SORCS2: variants seen among roughly 807,000 people sequenced by gnomAD.
The protein encoded by SORCS2 is VPS10 domain-containing receptor SorCS2.
Under a neutral mutation model 141.6 loss-of-function variants are expected in SORCS2, and 100 were observed. The ratio of observed to expected loss-of-function variants is 0.71; its 90% confidence interval spans 0.60 to 0.83. The LOEUF (loss-of-function observed/expected upper bound fraction) is 0.83, where lower values mean the gene tolerates loss of function less well. Ranked by LOEUF, SORCS2 falls within the 40% of genes least tolerant of loss-of-function variation. The probability of loss-of-function intolerance (pLI) is 0.00; values close to 1 mark genes in which losing one functional copy is unlikely to be tolerated. For synonymous variants in SORCS2, 789 were observed against 676.9 expected (o/e 1.17, Z -2.57); for missense variants, 1,646 against 1,560.2 (o/e 1.05, Z -0.93).
At chr4:7,677,079 CTG>C (rs2108955717) in intron 9 of SORCS2, among the ~76,000 whole-genome samples, 1 of 152,178 alleles carries the variant, frequency 6.6e-6, no homozygotes, top group African/African-American at 2.4e-5. Flanking sequence ...CTCTCGCTCT[CTG>C]TCTCCCTGGA....
chr4:7,422,071 C>A (rs1726111046), intron 2 of SORCS2, among the ~76,000 whole-genome samples: 1 of 152,196 alleles, frequency 6.6e-6, no homozygotes, highest in African/African-American at 2.4e-5. Context: ...TACTTTTCCT[C>A]CATGAGCCCT....
intron 1 of SORCS2, among the ~76,000 whole-genome samples, chr4:7,273,068 G>A (rs1384572289): frequency 1.3e-5 from 2 of 152,250 alleles, no homozygotes. Flanking sequence ...ATGTGCCTCA[G>A]TGGGCTTTAG....
chr4:7,657,173 G>A (rs1048306665), intron 5 of SORCS2, among the ~76,000 whole-genome samples: 58 of 152,370 alleles, frequency 3.8e-4, no homozygotes, highest in African/African-American at 1.2e-3. Flanking sequence ...CCAGTACACT[G>A]AGAAATGGCT....
In SORCS2 at chr4:7,704,181, A is replaced by G; in HGVS notation, c.1765A>G (p.Ser589Gly). The change falls in exon 14 of 27, where the codon AGT (serine) becomes GGT (glycine). Residue 589 changes from serine to glycine, a missense_variant. By Grantham distance (56) the Ser-to-Gly change is moderately conservative. Coordinates refer to ENST00000507866, the MANE Select transcript of SORCS2 (RefSeq NM_020777.3). ...TSIPLKILKFSVDEGLTWSTH... is the reference protein window; with the variant it reads ...TSIPLKILKFGVDEGLTWSTH... ...CTGACGATCTTCTCCTGGCAGGTTC[A>G]GTGTGGACGAGGGCCTCACCTGGAG... 1 of 1,611,618 alleles carries G rather than the reference A, an allele frequency of 6.2e-7. No individual in the cohort carries two copies.
At chr4:7,482,876 G>C (rs1730739916) in intron 2 of SORCS2, among the ~76,000 whole-genome samples, 1 of 151,962 alleles carries the variant, frequency 6.6e-6, no homozygotes, top group South Asian at 2.1e-4. Flanking sequence ...CCTGGCTGCT[G>C]TGGTGGGCTG....
chr4:7,667,148 T>G lies in SORCS2; in HGVS notation c.1096T>G (p.Tyr366Asp). 1.2e-6 allele frequency: 2 copies of G among 1,613,622 alleles called. No homozygotes were observed. Among genetic ancestry groups the G allele is most frequent in the Non-Finnish European group, 1.7e-6 (2 of 1,179,610 alleles). Residue 366 changes from tyrosine to aspartate, a missense_variant, in exon 8 of 27, where the codon TAC (tyrosine) becomes GAC (aspartate). Tyr to Asp is a radical substitution (Grantham distance 160). Coordinates refer to ENST00000507866, the MANE Select transcript of SORCS2 (RefSeq NM_020777.3). ...GGCAACATCAGCAAACCAGACAAAA[T>G]ACTACGTCTCTTATCGTCGAAATGA... The part of the protein sequence containing the change: ...FKATSANQTK[Y>D]YVSYRRNEFV...
At chr4:7,436,533 GTCC>G (rs1189444475) in intron 2 of SORCS2, among the ~76,000 whole-genome samples, 2 of 152,216 alleles carry the variant, frequency 1.3e-5, no homozygotes, top group Non-Finnish European at 2.9e-5. Flanking sequence ...AGGCCAGAAT[GTCC>G]TCCTCATCCT....
chr4:7,552,959 A>C (rs1713825235), intron 3 of SORCS2, among the ~76,000 whole-genome samples: 1 of 152,204 alleles, frequency 6.6e-6, no homozygotes, highest in Non-Finnish European at 1.5e-5. Context: ...GGAAGGCAGA[A>C]CTAGGAAGGG....
At chr4:7,590,513 C>T (rs756792210) in intron 3 of SORCS2, among the ~76,000 whole-genome samples, 23 of 152,302 alleles carry the variant, frequency 1.5e-4, no homozygotes, top group East Asian at 3.9e-4. Flanking sequence ...CCTCGGGAGC[C>T]GGGCTGGGAC....
chr4:7,258,179 G>C (rs953130577), intron 1 of SORCS2, among the ~76,000 whole-genome samples: 1 of 152,030 alleles, frequency 6.6e-6, no homozygotes, highest in East Asian at 1.9e-4. Context: ...TTTAAGTTCT[G>C]GGGCATATGT....
intron 2 of SORCS2, among the ~76,000 whole-genome samples, chr4:7,504,836 C>G (rs1732180717): frequency 6.6e-6 from 1 of 152,238 alleles, no homozygotes; most frequent in African/African-American, 2.4e-5. Context: ...CTGCTCTGGT[C>G]TAGCTGGGAC....
intron 3 of SORCS2, among the ~76,000 whole-genome samples, chr4:7,579,569 A>G (rs145924683): frequency 2.6e-5 from 4 of 152,208 alleles, no homozygotes; most frequent in African/African-American, 9.6e-5. Context: ...GATTCTACTC[A>G]TCTTGTAGGG....
intron 2 of SORCS2, among the ~76,000 whole-genome samples, chr4:7,487,827 T>C (rs1426144541): frequency 6.6e-6 from 1 of 152,188 alleles, no homozygotes; most frequent in East Asian, 1.9e-4. Context: ...GTGTGCTCTC[T>C]GCGCTTTAAT....
At chr4:7,334,024 C>G (rs1226905440) in intron 1 of SORCS2, among the ~76,000 whole-genome samples, 2 of 152,162 alleles carry the variant, frequency 1.3e-5, no homozygotes, top group African/African-American at 4.8e-5. Flanking sequence ...GGACCTTGTC[C>G]AGCCTCACAG....
chr4:7,578,659 GGGGCAGGCCGCCT>G (rs1218669138), intron 3 of SORCS2, among the ~76,000 whole-genome samples: 7 of 152,210 alleles, frequency 4.6e-5, no homozygotes, highest in South Asian at 4.1e-4. Context: ...CTGCGCAGCT[GGGGCAGGCCGCCT>G]GGGCTGCAGT....
intron 2 of SORCS2, among the ~76,000 whole-genome samples, chr4:7,397,268 A>C (rs900162693): frequency 6.6e-6 from 1 of 152,102 alleles, no homozygotes; most frequent in African/African-American, 2.4e-5. Context: ...GATTTCTGCA[A>C]TGCTCTGGGA....
Position 7,386,139 on chromosome 4 carries a change from G to GCA in SORCS2, c.481-10142_481-10141dup, listed in dbSNP as rs529629525. On this transcript the variant is annotated intron_variant, in intron 1 of 26. Coordinates refer to ENST00000507866, the MANE Select transcript of SORCS2 (RefSeq NM_020777.3). Reference sequence around the variant, plus strand: ...TACACATATGTACACACGCACACATGCACACACATACAGGTACACAGAGAT... The same window carrying GCA: ...TACACATATGTACACACGCACACATGCACACACACATACAGGTACACAGAGAT... Among the ~76,000 whole-genome samples, 317 of 150,040 alleles carry GCA rather than the reference G, an allele frequency of 2.1e-3. 1 individual carries two copies. Among genetic ancestry groups the GCA allele is most frequent in the African/African-American group, 5.5e-3 (223 of 40,660 alleles).
intron 1 of SORCS2, among the ~76,000 whole-genome samples, chr4:7,366,563 C>A (rs956829698): frequency 6.6e-6 from 1 of 150,826 alleles, no homozygotes; most frequent in Non-Finnish European, 1.5e-5. Flanking sequence ...CCATCCTCAT[C>A]AGCCTTGCTA....
chr4:7,408,283 C>T (rs138906043), intron 2 of SORCS2, among the ~76,000 whole-genome samples: 4,238 of 152,056 alleles, frequency 0.028, 81 homozygotes, highest in Non-Finnish European at 0.042. Flanking sequence ...AAGACAGATG[C>T]GGGGGTGGTG....
Sources: allele counts gnomAD v4.1 joint callset (sites outside exome capture counted in the v4.1 genomes callset), GRCh38; gene constraint gnomAD v4.1.1; transcripts MANE v1.5; gene names NCBI Gene and HGNC (gene_info 2026-07-23, HGNC 2026-07-21).